SGMS1: variants seen among roughly 807,000 people sequenced by gnomAD.
The protein encoded by SGMS1 is phosphatidylcholine:ceramide cholinephosphotransferase 1.
A neutral mutation model predicts 46.2 loss-of-function variants in SGMS1; 13 were observed. That is an observed-to-expected ratio of 0.28 (90% CI 0.18 to 0.45). SGMS1 has a LOEUF of 0.45. SGMS1 is among the 20% of genes least tolerant of loss of function. The pLI, the probability that SGMS1 is intolerant of heterozygous loss-of-function variation, is 1.00. For synonymous variants in SGMS1, 203 were observed against 187.8 expected (o/e 1.08, Z -0.66); for missense variants, 324 against 519.9 (o/e 0.62, Z 3.66).
intron 2 of SGMS1, among the ~76,000 whole-genome samples, chr10:50,563,239 G>A (rs1382316514): frequency 6.6e-6 from 1 of 152,194 alleles, no homozygotes; most frequent in Non-Finnish European, 1.5e-5. Flanking sequence ...TCATTCTATA[G>A]ACAGGTGGGA....
intron 1 of SGMS1, among the ~76,000 whole-genome samples, chr10:50,602,404 T>G (rs1838657399): frequency 6.6e-6 from 1 of 152,020 alleles, no homozygotes. Flanking sequence ...CTTATTTAAC[T>G]CAGTCCTTAT....
At chr10:50,326,514 T>C (rs544088443) in intron 8 of SGMS1, among the ~76,000 whole-genome samples, 8 of 152,312 alleles carry the variant, frequency 5.3e-5, no homozygotes, top group Non-Finnish European at 8.8e-5. Context: ...TAGCCTCTTT[T>C]AAAAATTCAT....
chr10:50,468,575 C>T (rs889198143), intron 3 of SGMS1, among the ~76,000 whole-genome samples: 5 of 152,112 alleles, frequency 3.3e-5, no homozygotes, highest in Admixed American at 6.5e-5. Context: ...CCCACTGTAA[C>T]GGGAGAACTC....
At chr10:50,319,578 G>C (rs1847406547) in intron 8 of SGMS1, among the ~76,000 whole-genome samples, 1 of 152,150 alleles carries the variant, frequency 6.6e-6, no homozygotes. Context: ...ACTACAGTTT[G>C]TCAGTCTTTT....
chr10:50,335,484 C>G (rs1405610507), intron 7 of SGMS1: 2 of 152,238 alleles, frequency 1.3e-5, no homozygotes, highest in Admixed American at 1.3e-4. Flanking sequence ...AATGCTACTA[C>G]AATAGTCAAG....
At chr10:50,474,179 T>C (rs193157763) in intron 3 of SGMS1, 72 of 152,332 alleles carry the variant, frequency 4.7e-4, no homozygotes, top group African/African-American at 1.7e-3. Context: ...AGACAGAGCT[T>C]ATGATAGCAA....
intron 2 of SGMS1, among the ~76,000 whole-genome samples, chr10:50,561,127 C>T (rs1171899002): frequency 1.3e-5 from 2 of 152,106 alleles, no homozygotes; most frequent in East Asian, 1.9e-4. Flanking sequence ...AGTTAAAAGG[C>T]CTAGTTTCTA....
chr10:50,351,568 G>A (rs1848013069), intron 6 of SGMS1, among the ~76,000 whole-genome samples: 1 of 152,092 alleles, frequency 6.6e-6, no homozygotes, highest in African/African-American at 2.4e-5. Context: ...TTAAATCATG[G>A]GCAGTTTCCT....
At chr10:50,410,818 T>G (rs1849086108) in intron 6 of SGMS1, among the ~76,000 whole-genome samples, 1 of 152,174 alleles carries the variant, frequency 6.6e-6, no homozygotes, top group African/African-American at 2.4e-5. Context: ...CTAGGCCAAG[T>G]TGGCCTCTCA....
At chr10:50,471,069 T>C (rs765408460) in intron 3 of SGMS1, among the ~76,000 whole-genome samples, 3 of 152,050 alleles carry the variant, frequency 2.0e-5, no homozygotes, top group Non-Finnish European at 2.9e-5. Flanking sequence ...TAAAAAAAGA[T>C]GATAAAGAGT....
Position 50,570,194 on chromosome 10 carries a change from C to G in SGMS1, c.-589+19959G>C, listed in dbSNP as rs182680537. On this transcript the variant is annotated intron_variant, in intron 2 of 10. Transcript: ENST00000361781. ...TCATAGTCTTTACTAATTGAACCAG[C>G]CTTCCTTACTTGCAGAAAAAGCCAC... Among the ~76,000 whole-genome samples, 424 of 152,282 alleles carry G rather than the reference C, an allele frequency of 2.8e-3. 5 individuals are homozygous for G. The highest frequency in any genetic ancestry group is 0.024 in the Admixed American group (365 of 15,292).
At chr10:50,582,525 T>C (rs1246069770) in intron 2 of SGMS1, among the ~76,000 whole-genome samples, 1 of 152,186 alleles carries the variant, frequency 6.6e-6, no homozygotes, top group Admixed American at 6.5e-5. Context: ...CTCCTGACCA[T>C]AAAAAGCTTT....
At chr10:50,372,166 C>T (rs983897585) in intron 6 of SGMS1, among the ~76,000 whole-genome samples, 2 of 152,124 alleles carry the variant, frequency 1.3e-5, no homozygotes, top group African/African-American at 4.8e-5. Flanking sequence ...ACATGCTAGG[C>T]AGTCAATATA....
At chr10:50,517,924 T>C (rs144428121) in intron 3 of SGMS1, among the ~76,000 whole-genome samples, 146 of 151,854 alleles carry the variant, frequency 9.6e-4, no homozygotes, top group Middle Eastern at 3.4e-3. Flanking sequence ...AAGAGTGAAA[T>C]AAAGACATTT....
intron 6 of SGMS1, among the ~76,000 whole-genome samples, chr10:50,382,436 C>A (rs901062180): frequency 6.6e-6 from 1 of 152,062 alleles, no homozygotes; most frequent in African/African-American, 2.4e-5. Flanking sequence ...GGTGACTTAA[C>A]AATTCTGCAT....
At chr10:50,585,348 C>T in intron 2 of SGMS1, among the ~76,000 whole-genome samples, 1 of 152,200 alleles carries the variant, frequency 6.6e-6, no homozygotes, top group East Asian at 1.9e-4. Flanking sequence ...GGCATTACCA[C>T]ATGTAAACAA....
At chr10:50,613,969 A>C (rs1838773906) in intron 1 of SGMS1, among the ~76,000 whole-genome samples, 1 of 152,208 alleles carries the variant, frequency 6.6e-6, no homozygotes, top group Non-Finnish European at 1.5e-5. Context: ...TTTTCCTACA[A>C]ACACAGTTTT....
At chr10:50,581,822 A>T (rs1838437639) in intron 2 of SGMS1, among the ~76,000 whole-genome samples, 1 of 152,224 alleles carries the variant, frequency 6.6e-6, no homozygotes, top group African/African-American at 2.4e-5. Flanking sequence ...AACAAAAACA[A>T]TGTGATGTGT....
intron 3 of SGMS1, among the ~76,000 whole-genome samples, chr10:50,507,102 C>T (rs1331025136): frequency 1.3e-5 from 2 of 152,198 alleles, no homozygotes; most frequent in African/African-American, 2.4e-5. Context: ...CAAGATCACA[C>T]AGCCCATTGG....
Sources: allele counts gnomAD v4.1 joint callset (sites outside exome capture counted in the v4.1 genomes callset), GRCh38; gene constraint gnomAD v4.1.1; transcripts MANE v1.5; gene names NCBI Gene and HGNC (gene_info 2026-07-23, HGNC 2026-07-21).